The following ZNF638 variants were observed in gnomAD, a reference collection of about 807,000 sequenced individuals.
ZNF638 encodes the protein CTCL tumor antigen se33-1.
Under a neutral mutation model 195.6 loss-of-function variants are expected in ZNF638, and 46 were observed. The ratio of observed to expected loss-of-function variants is 0.24; its 90% confidence interval spans 0.19 to 0.30. The LOEUF (loss-of-function observed/expected upper bound fraction) is 0.30. Ranked by LOEUF, ZNF638 falls within the 10% of genes least tolerant of loss-of-function variation. ZNF638 has a pLI of 1.00. For synonymous variants in ZNF638, 845 were observed against 772.0 expected (o/e 1.09, Z -1.57); for missense variants, 2,440 against 2,325.3 (o/e 1.05, Z -1.01).
intron 10 of ZNF638, 186 bp from the exon 11 acceptor site, chr2:71,395,955 T>C: frequency 1.6e-6 from 1 of 622,796 alleles, no homozygotes; most frequent in Non-Finnish European, 2.8e-6. Flanking sequence ...TAAATCTGTA[T>C]GCCTTTTGAT....
chr2:71,365,776 G>A (rs2079185949), intron 6 of ZNF638, 70 bp downstream of exon 6: 13 of 1,407,974 alleles, frequency 9.2e-6, no homozygotes, highest in South Asian at 5.9e-5. Flanking sequence ...GACTGCAGTG[G>A]TGCAACAAGC....
At chr2:71,356,780 C>G (rs79089745) in intron 3 of ZNF638, among the ~76,000 whole-genome samples, 2 of 143,350 alleles carry the variant, frequency 1.4e-5, no homozygotes, top group African/African-American at 5.4e-5. Flanking sequence ...CAGCCTGTTT[C>G]AAAAAAAAAA....
chr2:71,400,734 G>A (rs2079990036), intron 15 of ZNF638, among the ~76,000 whole-genome samples: 1 of 152,102 alleles, frequency 6.6e-6, no homozygotes. Context: ...CAAAAAGTAG[G>A]AACAGATCAT....
intron 1 of ZNF638, among the ~76,000 whole-genome samples, chr2:71,345,656 T>G (rs1196299577): frequency 6.6e-6 from 1 of 152,146 alleles, no homozygotes; most frequent in African/African-American, 2.4e-5. Context: ...GTATTGGGAT[T>G]ACAGGTGTGA....
At chr2:71,428,415 G>A in intron 24 of ZNF638, 132 bp from the exon 25 acceptor site, 2 of 596,484 alleles carry the variant, frequency 3.4e-6, no homozygotes, top group South Asian at 2.6e-5. Context: ...TATATTAGCA[G>A]TAGGCTTCCC....
chr2:71,400,039 G>A, intron 13 of ZNF638, 73 bp from the exon 14 acceptor site: 1 of 1,262,810 alleles, frequency 7.9e-7, no homozygotes, highest in Non-Finnish European at 1.1e-6. Flanking sequence ...ACTAGCTTAA[G>A]TTCCTGTTTA....
rs560906357 is a variant in ZNF638 at position 71,350,576 on chromosome 2, A to T, written c.1317+305A>T. 3.3e-5 allele frequency among the ~76,000 whole-genome samples: 5 copies of T among 152,352 alleles called. 1 individual carries two copies. In the South Asian group the frequency reaches 1.0e-3, roughly 32 times the overall value. ...ATGTAACATAAGCTGCGTACTTACA[A>T]GACAATGTCACATGGAATCACCTTT... On this transcript the variant is annotated intron_variant, in intron 2 of 27. Transcript: ENST00000264447.
chr2:71,348,496 C>T, intron 1 of ZNF638: 2 of 1,079,592 alleles, frequency 1.9e-6, no homozygotes, highest in Non-Finnish European at 2.3e-6. Context: ...TACTGCTCAG[C>T]ACCTAGGACA....
Position 71,401,989 on chromosome 2 carries a change from A to T in ZNF638, c.2731A>T (p.Asn911Tyr). The T allele has an allele frequency of 6.3e-7, 1 of 1,599,204 alleles. No homozygotes were observed. ...AGAAATGTGTGTGATGCTTGTCTCT[A>T]ATTTGCCTAATAAAGGATATTCTGT... is the stretch of plus-strand genomic sequence containing the variant. ...TEEMCVMLVS[N>Y]LPNKGYSVEE... Residue 911 changes from asparagine (N) to tyrosine (Y), a missense_variant, in exon 16 of 28, where the codon AAT becomes TAT. Asn to Tyr is a moderately radical substitution (Grantham distance 143). This residue lies in a region of ZNF638 where 1,883 missense variants were observed against 1,739.1 expected (regional missense o/e 1.08). Transcript: ENST00000264447.
Position 71,422,759 on chromosome 2 carries a change from ATTTT to A in ZNF638, c.3300-53_3300-50del, listed in dbSNP as rs1310296939. 4 of 1,538,012 alleles carry A rather than the reference ATTTT, an allele frequency of 2.6e-6. No homozygotes were observed. In the South Asian group the frequency reaches 3.7e-5, roughly 14 times the overall value. On this transcript the variant is annotated intron_variant, in intron 21 of 27. Transcript: ENST00000264447. The stretch of plus-strand genomic sequence containing the variant: ...ATGGTTGAATTCTCATCATAGTTTG[ATTTT>A]TGTTTGTGTTTTTGTTTGTGTTCTT...
At chr2:71,408,393 T>C (rs2080147393) in intron 20 of ZNF638, 146 bp downstream of exon 20, 1 of 1,016,232 alleles carries the variant, frequency 9.8e-7, no homozygotes. Context: ...TTTCATAGTT[T>C]ATAAAGCAGT....
intron 20 of ZNF638, among the ~76,000 whole-genome samples, chr2:71,411,492 T>C (rs2080225761): frequency 3.8e-5 from 5 of 132,616 alleles, no homozygotes; most frequent in African/African-American, 1.1e-4. Context: ...TTTTTTATTA[T>C]ACTCTAAGTT....
chr2:71,348,938 C>G lies in ZNF638; in HGVS notation c.-17C>G, dbSNP rs898600748. ...CCACCTTATACTTTATTAAATCAGG[C>G]TTTCTTGAAAATAGCCATGTCGAGA... On this transcript the variant is annotated 5_prime_UTR_variant, in exon 2 of 28. Coordinates refer to ENST00000264447, the MANE Select transcript of ZNF638 (RefSeq NM_014497.5). 1.2e-6 allele frequency: 2 copies of G among 1,614,140 alleles called. No individual in the cohort carries two copies. Among genetic ancestry groups the G allele is most frequent in the Non-Finnish European group, 1.7e-6 (2 of 1,180,020 alleles).
At chr2:71,405,322 T>C (rs2080085138) in intron 17 of ZNF638, among the ~76,000 whole-genome samples, 1 of 152,236 alleles carries the variant, frequency 6.6e-6, no homozygotes, top group South Asian at 2.1e-4. Context: ...TAAATCTCTA[T>C]TCCTTCTGTG....
At chr2:71,411,000 T>TC (rs1227462192) in intron 20 of ZNF638, among the ~76,000 whole-genome samples, 1 of 120,472 alleles carries the variant, frequency 8.3e-6, no homozygotes, top group East Asian at 3.0e-4. Flanking sequence ...CCCTTTTTTT[T>TC]TTTTTTTTTT....
rs1397706840 is a variant in ZNF638, at chr2:71,403,982, T to A, written c.2942T>A (p.Met981Lys). Reference protein sequence around the residue: ...QLSISMAPENMNIKDEEAIFI... With the variant: ...QLSISMAPENKNIKDEEAIFI... ...TCAATAAGTATGGCTCCTGAAAACA[T>A]GAATATAAAAGATGAGGTAAATCAG... Residue 981 changes from methionine (M) to lysine (K), a missense_variant, in exon 17 of 28, where the codon ATG (methionine) becomes AAG (lysine). Physicochemically the swap from Met to Lys is moderately conservative, Grantham distance 95. Around this residue, in one of 5 missense-constraint regions of ZNF638, gnomAD observed 1,883 missense variants for 1,739.1 expected, o/e 1.08. Transcript: ENST00000264447. 3 of 1,610,016 alleles carry A rather than the reference T, an allele frequency of 1.9e-6. No homozygotes were observed. The highest frequency in any genetic ancestry group is 2.5e-6 in the Non-Finnish European group (3 of 1,178,410).
At chr2:71,406,999 CA>C (rs2080118942) in intron 19 of ZNF638, among the ~76,000 whole-genome samples, 1 of 152,042 alleles carries the variant, frequency 6.6e-6, no homozygotes, top group Non-Finnish European at 1.5e-5. Flanking sequence ...GACCCTGTCT[CA>C]AAAATAAAGT....
chr2:71,396,056 G>T lies in ZNF638; in HGVS notation c.2378-85G>T, dbSNP rs1466180303. ...GGGCTGTTTCTTGCAGGGTTCTTTC[G>T]AAATTATTGCTAGGTTGACTTTTAA... On this transcript the variant is annotated intron_variant, in intron 10 of 27. Coordinates refer to ENST00000264447, the MANE Select transcript of ZNF638 (RefSeq NM_014497.5). 6.6e-5 allele frequency: 87 copies of T among 1,312,840 alleles called. No homozygotes were observed. In the Admixed American group the frequency reaches 1.6e-3, roughly 24 times the overall value. 81.3% of individuals were successfully genotyped at this position (1,312,840 alleles called of 1,614,324 possible).
intron 3 of ZNF638, among the ~76,000 whole-genome samples, chr2:71,361,212 C>T (rs1309796699): frequency 2.0e-5 from 3 of 152,112 alleles, no homozygotes; most frequent in Non-Finnish European, 2.9e-5. Flanking sequence ...CTCAGCCTCC[C>T]GAAGTGTTGG....
Sources: allele counts gnomAD v4.1 joint callset (sites outside exome capture counted in the v4.1 genomes callset), GRCh38; gene constraint gnomAD v4.1.1; regional missense constraint gnomAD v4.1.1; transcripts MANE v1.5; gene names NCBI Gene and HGNC (gene_info 2026-07-23, HGNC 2026-07-21).